The following ACVR1 variants were observed in gnomAD, a reference collection of about 807,000 sequenced individuals.
ACVR1 encodes the protein activin receptor type-1.
A neutral mutation model predicts 57.1 loss-of-function variants in ACVR1; 38 were observed. The ratio of observed to expected loss-of-function variants is 0.67; its 90% CI spans 0.51 to 0.87. ACVR1 has a LOEUF of 0.87. ACVR1 is among the 40% of genes least tolerant of loss of function. The pLI is 0.00. For synonymous variants in ACVR1, 212 were observed against 228.1 expected, an observed-to-expected ratio of 0.93 and a Z score of 0.63; for missense variants, 463 against 638.2, an observed-to-expected ratio of 0.73 and a Z score of 2.96.
At chr2:157,825,958 G>T (rs58452999) in intron 1 of ACVR1, among the ~76,000 whole-genome samples, 1 of 152,136 alleles carries the variant, frequency 6.6e-6, no homozygotes, top group Non-Finnish European at 1.5e-5. Context: ...CAGCTTTCAC[G>T]TGTGTACACC....
At chr2:157,846,494 C>A (rs1002843127) in intron 1 of ACVR1, among the ~76,000 whole-genome samples, 2 of 152,230 alleles carry the variant, frequency 1.3e-5, no homozygotes, top group African/African-American at 4.8e-5. Context: ...TCACATTCAA[C>A]ATCCCATCTC....
chr2:157,826,912 G>C (rs914883349), intron 1 of ACVR1, among the ~76,000 whole-genome samples: 1 of 123,300 alleles, frequency 8.1e-6, no homozygotes, highest in Admixed American at 8.0e-5. Context: ...GAAAAGAAAG[G>C]AAGGAAGGAA....
intron 9 of ACVR1, among the ~76,000 whole-genome samples, chr2:157,751,710 A>G (rs1685198953): frequency 6.6e-6 from 1 of 152,148 alleles, no homozygotes; most frequent in African/African-American, 2.4e-5. Context: ...GACAACATGC[A>G]TGACACAGCA....
At chr2:157,837,675 C>T (rs965494320) in intron 1 of ACVR1, among the ~76,000 whole-genome samples, 4 of 152,108 alleles carry the variant, frequency 2.6e-5, no homozygotes, top group African/African-American at 9.7e-5. Flanking sequence ...GACAAACAGG[C>T]TTGGAAACTA....
intron 9 of ACVR1, among the ~76,000 whole-genome samples, chr2:157,752,471 A>C (rs1360538605): frequency 6.6e-6 from 1 of 152,234 alleles, no homozygotes; most frequent in Admixed American, 6.5e-5. Flanking sequence ...AAATTCCTGA[A>C]TTGCCAGAAA....
At chr2:157,849,925 G>T (rs1000905252) in intron 1 of ACVR1, among the ~76,000 whole-genome samples, 1 of 152,164 alleles carries the variant, frequency 6.6e-6, no homozygotes, top group Non-Finnish European at 1.5e-5. Flanking sequence ...TTTCTATGTT[G>T]ACTGTGGCTA....
rs80203787 is a variant in ACVR1 at position 157,866,214 on chromosome 2, G to A, written c.-183+9582C>T. ...ATGTCAGAGTTGTATGGCCCCAGAAGGAGACAAGCCTCTATGAGAACAAAA... is the reference window on the plus strand; with the variant it reads ...ATGTCAGAGTTGTATGGCCCCAGAAAGAGACAAGCCTCTATGAGAACAAAA... On this transcript the variant is annotated intron_variant, in intron 1 of 10. Transcript: ENST00000434821. 1.7e-3 allele frequency among the ~76,000 whole-genome samples: 264 copies of A among 152,224 alleles called. 3 individuals carry two copies. Among genetic ancestry groups the A allele is most frequent in the Non-Finnish European group, 2.7e-3 (186 of 68,018 alleles).
Position 157,737,490 on chromosome 2 carries a change from G to C in ACVR1, c.*41C>G. On this transcript the variant is annotated 3_prime_UTR_variant, in exon 11 of 11. Coordinates refer to ENST00000434821, the MANE Select transcript of ACVR1 (RefSeq NM_001111067.4). ...CAGCATTAGGTCCCAGCTGGACAAT[G>C]ACAACAACGTCAAATCTTCCTTCTT... 6.2e-7 allele frequency: 1 copy of C among 1,611,486 alleles called. No individual in the cohort carries two copies. The highest frequency in any genetic ancestry group is 8.5e-7 in the Non-Finnish European group (1 of 1,178,594).
In ACVR1 at chr2:157,737,398, T is replaced by A. The variant is rs1056734226; in HGVS notation, c.*133A>T. On this transcript the variant is annotated 3_prime_UTR_variant, in exon 11 of 11. Transcript: ENST00000434821. ...CCCCAACACATGGCTGGGTACGACG[T>A]CTGCCTTGTCAAAGCAGCCATTTGG... The A allele has an allele frequency of 2.5e-6, 3 of 1,210,462 alleles. No homozygotes were observed. The African/African-American group carries it at 4.5e-5, about 18-fold the overall frequency. 75.0% of individuals were successfully genotyped at this position (1,210,462 alleles called of 1,614,324 possible).
chr2:157,873,368 G>T (rs1558861847), intron 1 of ACVR1, among the ~76,000 whole-genome samples: 1 of 152,172 alleles, frequency 6.6e-6, no homozygotes, highest in Non-Finnish European at 1.5e-5. Flanking sequence ...GAAGAGCTGA[G>T]CCCAGTGCCT....
intron 2 of ACVR1, among the ~76,000 whole-genome samples, chr2:157,801,300 T>C (rs1002902109): frequency 6.6e-6 from 1 of 152,222 alleles, no homozygotes; most frequent in African/African-American, 2.4e-5. Flanking sequence ...CATGTACTTG[T>C]AGTTCTGAAG....
In ACVR1 at chr2:157,858,673, G is replaced by C. The variant is rs978536968; in HGVS notation, c.-183+17123C>G. On this transcript the variant is annotated intron_variant, in intron 1 of 10. Coordinates refer to ENST00000434821, the MANE Select transcript of ACVR1 (RefSeq NM_001111067.4). Reference sequence around the variant, plus strand: ...TAATTTTTCTATTTTTGTCGAGACGGGGTTTCACCATGTTGGCCAGGCTGG... The same window carrying C: ...TAATTTTTCTATTTTTGTCGAGACGCGGTTTCACCATGTTGGCCAGGCTGG... Among the ~76,000 whole-genome samples, 3 of 152,004 alleles carry C rather than the reference G, an allele frequency of 2.0e-5. No homozygotes were observed. The East Asian group carries it at 5.8e-4, about 29-fold the overall frequency.
chr2:157,797,942 A>G (rs1330158106), intron 3 of ACVR1, among the ~76,000 whole-genome samples: 2 of 152,212 alleles, frequency 1.3e-5, no homozygotes, highest in Admixed American at 6.5e-5. Context: ...AACACAGAGA[A>G]GGTGCCGTCT....
Position 157,780,649 on chromosome 2 carries a change from C to T in ACVR1, c.68-49G>A, listed in dbSNP as rs1229389128. Reference sequence around the variant, plus strand: ...GAAAAAAAAAAAAAAGAGGAATTACCGTATGAGTTTCACCTTCATTGAGGG... The same window carrying T: ...GAAAAAAAAAAAAAAGAGGAATTACTGTATGAGTTTCACCTTCATTGAGGG... On this transcript the variant is annotated intron_variant, in intron 3 of 10. Coordinates refer to ENST00000434821, the MANE Select transcript of ACVR1 (RefSeq NM_001111067.4). 6.3e-6 allele frequency: 10 copies of T among 1,598,074 alleles called. No individual in the cohort carries two copies. The African/African-American group carries it at 8.1e-5, about 13-fold the overall frequency.
chr2:157,831,579 T>G (rs1688581040), intron 1 of ACVR1, among the ~76,000 whole-genome samples: 1 of 152,172 alleles, frequency 6.6e-6, no homozygotes, highest in Non-Finnish European at 1.5e-5. Flanking sequence ...CAGAGTAAAG[T>G]GAGATTTTTT....
At chr2:157,854,573 A>G (rs1689444326) in intron 1 of ACVR1, among the ~76,000 whole-genome samples, 1 of 152,032 alleles carries the variant, frequency 6.6e-6, no homozygotes, top group Non-Finnish European at 1.5e-5. Flanking sequence ...ATACAAAAAA[A>G]TTAGCCAGGC....
chr2:157,774,591 T>C (rs1686205142), intron 5 of ACVR1, among the ~76,000 whole-genome samples: 1 of 152,168 alleles, frequency 6.6e-6, no homozygotes, highest in Non-Finnish European at 1.5e-5. Flanking sequence ...CTCAAACTCC[T>C]GACCTCAGGT....
chr2:157,803,693 G>C (rs1390810616), intron 2 of ACVR1, among the ~76,000 whole-genome samples: 1 of 152,144 alleles, frequency 6.6e-6, no homozygotes, highest in Non-Finnish European at 1.5e-5. Flanking sequence ...GAAACTAGTA[G>C]TGGAAAATGG....
At chr2:157,831,490 T>C (rs1366032835) in intron 1 of ACVR1, among the ~76,000 whole-genome samples, 1 of 152,220 alleles carries the variant, frequency 6.6e-6, no homozygotes, top group Non-Finnish European at 1.5e-5. Flanking sequence ...GGGTGGCAGA[T>C]CTACCCGAGA....
Sources: allele counts gnomAD v4.1 joint callset (sites outside exome capture counted in the v4.1 genomes callset), GRCh38; gene constraint gnomAD v4.1.1; transcripts MANE v1.5; gene names NCBI Gene and HGNC (gene_info 2026-07-23, HGNC 2026-07-21).